The following MYBL2 variants were observed in gnomAD, a reference collection of about 807,000 sequenced individuals.
MYBL2 encodes the protein MYB proto-oncogene like 2.
In MYBL2, 28 loss-of-function variants were observed where a neutral mutation model predicts 79.9. That is an observed-to-expected ratio of 0.35 (90% CI 0.26 to 0.48). MYBL2 has a LOEUF of 0.48. Among genes scored for constraint, MYBL2 ranks in the 20% least tolerant of loss-of-function variants. MYBL2 has a pLI of 0.99. For missense variants in MYBL2, 735 were observed against 893.9 expected, an observed-to-expected ratio of 0.82 and a Z score of 2.27; for synonymous variants, 378 against 361.2, an observed-to-expected ratio of 1.05 and a Z score of -0.53.
At chr20:43,689,245 G>A (rs371107598) in intron 5 of MYBL2, among the ~76,000 whole-genome samples, 2 of 152,258 alleles carry the variant, frequency 1.3e-5, no homozygotes, top group East Asian at 1.9e-4. Context: ...TGTGGTCCTG[G>A]CAGGGAGAGA....
At chr20:43,673,609 A>T (rs1300686583) in intron 1 of MYBL2, 197 bp from the exon 2 acceptor site, 1 of 661,260 alleles carries the variant, frequency 1.5e-6, no homozygotes, top group Admixed American at 2.0e-5. Flanking sequence ...ACTGAATTCC[A>T]GCCCAGTGAC....
intron 4 of MYBL2, among the ~76,000 whole-genome samples, chr20:43,686,227 G>A (rs1034926429): frequency 1.3e-5 from 2 of 152,182 alleles, no homozygotes; most frequent in South Asian, 4.1e-4. Flanking sequence ...ATGAGAACGC[G>A]TGTGTCTGTT....
chr20:43,695,967 G>A (rs974601682), intron 6 of MYBL2, among the ~76,000 whole-genome samples: 6 of 152,036 alleles, frequency 3.9e-5, no homozygotes, highest in African/African-American at 7.2e-5. Flanking sequence ...GCAGTGAGCC[G>A]AGTTCGCACT....
In MYBL2 at chr20:43,706,719, G is replaced by GT. The variant is rs71193702; in HGVS notation, c.1505+1375dup. Among the ~76,000 whole-genome samples, 139 of 70,788 alleles carry GT rather than the reference G, an allele frequency of 2.0e-3. 3 individuals are homozygous for GT. Among genetic ancestry groups the GT allele is most frequent in the African/African-American group, 7.5e-3 (126 of 16,778 alleles). 46.4% of individuals were successfully genotyped at this position (70,788 alleles called of 152,430 possible). On this transcript the variant is annotated intron_variant, in intron 9 of 13. Coordinates refer to ENST00000217026, the MANE Select transcript of MYBL2 (RefSeq NM_002466.4). ...CTGTCTGTACACAAAAAAAAAAAAA[G>GT]TTTTTTTTTTTTTTGAGATGGAGTC...
At position 43,715,293 on chromosome 20, in the gene MYBL2, G is replaced by A. The variant is rs779567187; in HGVS notation, c.1974+10G>A. ...CACGACACCTGCCCCTGTGAGTGCT[G>A]TGGCCATCTCTGGGGGTCCTGCAGT... On this transcript the variant is annotated intron_variant, in intron 13 of 13. Coordinates refer to ENST00000217026, the MANE Select transcript of MYBL2 (RefSeq NM_002466.4). The A allele has an allele frequency of 2.5e-6, 4 of 1,614,008 alleles. No individual in the cohort carries two copies. Among genetic ancestry groups the A allele is most frequent in the Non-Finnish European group, 3.4e-6 (4 of 1,180,008 alleles).
At chr20:43,715,849 C>A in intron 13 of MYBL2, 110 bp from the exon 14 acceptor site, 3 of 1,400,144 alleles carry the variant, frequency 2.1e-6, no homozygotes, top group Non-Finnish European at 2.9e-6. Flanking sequence ...AAGGCTCTGG[C>A]TTCTAGGGGA....
At chr20:43,668,194 C>CTTTT (rs3091539) in intron 1 of MYBL2, among the ~76,000 whole-genome samples, 41 of 80,614 alleles carry the variant, frequency 5.1e-4, no homozygotes, top group African/African-American at 1.5e-3. Flanking sequence ...TTCGTTCCCT[C>CTTTT]TTTTTTTTTT....
chr20:43,714,119 TG>T (rs1987974632), intron 12 of MYBL2, among the ~76,000 whole-genome samples: 1 of 152,110 alleles, frequency 6.6e-6, no homozygotes, highest in South Asian at 2.1e-4. Context: ...CAGGTGGGCC[TG>T]GGTTTGAGTT....
chr20:43,678,093 G>GCTTGAAGGCAGCATGCT (rs1484827186), intron 2 of MYBL2, among the ~76,000 whole-genome samples: 1 of 150,172 alleles, frequency 6.7e-6, no homozygotes, highest in Admixed American at 6.6e-5. Flanking sequence ...TTAAACAGAC[G>GCTTGAAGGCAGCATGCT]CTTGAAGGCA....
chr20:43,672,897 C>T (rs73274396), intron 1 of MYBL2, among the ~76,000 whole-genome samples: 2,107 of 152,188 alleles, frequency 0.014, 59 homozygotes, highest in African/African-American at 0.048. Flanking sequence ...AAGGAAAAAG[C>T]GATAGTCTGA....
intron 4 of MYBL2, among the ~76,000 whole-genome samples, chr20:43,686,272 C>T (rs1016779361): frequency 1.3e-5 from 2 of 151,908 alleles, no homozygotes; most frequent in East Asian, 1.9e-4. Flanking sequence ...CTTGTGGCTG[C>T]GTATGTTGTG....
chr20:43,680,017 T>A (rs1987106760), intron 2 of MYBL2, among the ~76,000 whole-genome samples: 1 of 83,614 alleles, frequency 1.2e-5, no homozygotes, highest in African/African-American at 3.7e-5. Flanking sequence ...TTCTGTGATT[T>A]TGACTATTTT....
intron 13 of MYBL2, among the ~76,000 whole-genome samples, chr20:43,715,691 G>T (rs1031798887): frequency 2.6e-5 from 4 of 152,146 alleles, no homozygotes; most frequent in Admixed American, 2.6e-4. Context: ...CCCGCCTCCT[G>T]GCTGTGGCTT....
In MYBL2 at chr20:43,716,233, C is replaced by T. The variant is rs1269327800; in HGVS notation, c.*146C>T. The T allele has an allele frequency of 3.1e-6, 4 of 1,285,766 alleles. No individual in the cohort carries two copies. Among genetic ancestry groups the T allele is most frequent in the Non-Finnish European group, 4.3e-6 (4 of 940,684 alleles). 79.6% of individuals were successfully genotyped at this position (1,285,766 alleles called of 1,614,324 possible). A position where few individuals can be genotyped will look rare whatever the true frequency, so the allele number is the denominator to read the frequency against. ...TCCCCAGACTCTCAGGTGGAGGCAA[C>T]AGGGCCATGTGCTGCCCTGTTGCCG... On this transcript the variant is annotated 3_prime_UTR_variant, in exon 14 of 14. Transcript: ENST00000217026.
At position 43,683,009 on chromosome 20, in the gene MYBL2, A is replaced by C. The variant is rs1024326636; in HGVS notation, c.279+123A>C. The C allele has an allele frequency of 8.9e-4, 781 of 878,088 alleles. 1 individual carries two copies. Among genetic ancestry groups the C allele is most frequent in the East Asian group, 2.1e-3 (80 of 38,152 alleles). The allele number at this position is 878,088 out of a possible 1,614,324, so 54.4% of individuals were successfully genotyped here. A position where few individuals can be genotyped will look rare whatever the true frequency, so the allele number is the denominator to read the frequency against. ...GCTGAGCATTGGGTGTGAGTTGTCTACCAGCCAGTCTGGACACTCTTATGC... is the reference window on the plus strand; with the variant it reads ...GCTGAGCATTGGGTGTGAGTTGTCTCCCAGCCAGTCTGGACACTCTTATGC... On this transcript the variant is annotated intron_variant, in intron 4 of 13. Transcript: ENST00000217026.
At chr20:43,677,556 C>G (rs7266284) in intron 2 of MYBL2, among the ~76,000 whole-genome samples, 239 of 152,290 alleles carry the variant, frequency 1.6e-3, no homozygotes, top group African/African-American at 5.1e-3. Flanking sequence ...TACAGGAGGC[C>G]AGTTTGGTGG....
chr20:43,692,479 C>T (rs1987436948), intron 6 of MYBL2, among the ~76,000 whole-genome samples, 160 bp downstream of exon 6: 1 of 152,186 alleles, frequency 6.6e-6, no homozygotes, highest in African/African-American at 2.4e-5. Context: ...ACATAACTGG[C>T]ACTTGTCTGC....
chr20:43,689,755 T>C (rs1223947453), intron 5 of MYBL2, among the ~76,000 whole-genome samples: 1 of 152,230 alleles, frequency 6.6e-6, no homozygotes, highest in South Asian at 2.1e-4. Context: ...TGGCAGCCAC[T>C]TGTCTTATTT....
chr20:43,692,092 T>A, intron 5 of MYBL2, 65 bp from the exon 6 acceptor site: 1 of 1,543,098 alleles, frequency 6.5e-7, no homozygotes, highest in Non-Finnish European at 8.9e-7. Flanking sequence ...GGGAGGTTAG[T>A]GATGTGCCTG....
Sources: allele counts gnomAD v4.1 joint callset (sites outside exome capture counted in the v4.1 genomes callset), GRCh38; gene constraint gnomAD v4.1.1; transcripts MANE v1.5; gene names NCBI Gene and HGNC (gene_info 2026-07-23, HGNC 2026-07-21).